The following ATRNL1 variants were observed in gnomAD, a reference collection of about 807,000 sequenced individuals.
The protein encoded by ATRNL1 is attractin like 1, also known as attractin-like protein 1.
Under a neutral mutation model 182.7 loss-of-function variants are expected in ATRNL1, and 95 were observed. The ratio of observed to expected loss-of-function variants is 0.52; its 90% CI spans 0.44 to 0.62. ATRNL1 has a LOEUF of 0.62. Ranked by LOEUF, ATRNL1 falls within the 20% of genes least tolerant of loss-of-function variation. The pLI is 0.00. For synonymous variants in ATRNL1, 576 were observed against 568.3 expected (o/e 1.01, Z -0.19); for missense variants, 1,471 against 1,679.5 (o/e 0.88, Z 2.17).
At chr10:115,207,259 A>G (rs375175354) in intron 8 of ATRNL1, among the ~76,000 whole-genome samples, 25 of 151,992 alleles carry the variant, frequency 1.6e-4, no homozygotes, top group African/African-American at 5.5e-4. Context: ...TTGAGGAATC[A>G]CCACACTGTC....
At chr10:115,243,623 C>T (rs1182327277) in intron 10 of ATRNL1, among the ~76,000 whole-genome samples, 2 of 151,934 alleles carry the variant, frequency 1.3e-5, no homozygotes, top group East Asian at 3.8e-4. Flanking sequence ...ATTAGTTGGG[C>T]CCAGTGTATG....
chr10:115,844,803 C>T (rs1286563515), intron 27 of ATRNL1, among the ~76,000 whole-genome samples: 3 of 152,002 alleles, frequency 2.0e-5, no homozygotes, highest in African/African-American at 7.2e-5. Context: ...CAAACCCAGG[C>T]CTTATCTCTT....
intron 24 of ATRNL1, among the ~76,000 whole-genome samples, chr10:115,476,078 G>C (rs2134592698): frequency 6.6e-6 from 1 of 151,288 alleles, no homozygotes; most frequent in Admixed American, 6.6e-5. Flanking sequence ...CCTGTATGCA[G>C]TGCTTTGACC....
chr10:115,204,321 A>G (rs1187328427), intron 8 of ATRNL1, among the ~76,000 whole-genome samples: 4 of 151,970 alleles, frequency 2.6e-5, no homozygotes, highest in East Asian at 1.9e-4. Context: ...GGCTTCTTGT[A>G]TTATGTTGAA....
In ATRNL1 at chr10:115,093,730, C is replaced by T; in HGVS notation, c.-21C>T. ...TCGGCGCCCGCGAGCGCAGTCTCGC[C>T]GGGCAGGGGCGCCGGGGAAGATGGA... On this transcript the variant is annotated 5_prime_UTR_variant, in exon 1 of 29. Coordinates refer to ENST00000355044, the MANE Select transcript of ATRNL1 (RefSeq NM_207303.4). This position sits in a 1 kb window ranked among gnomAD's most constrained non-coding sequence, Gnocchi z 6.1. 2.8e-6 allele frequency: 4 copies of T among 1,412,114 alleles called. No homozygotes were observed. Among genetic ancestry groups the T allele is most frequent in the Non-Finnish European group, 3.7e-6 (4 of 1,090,498 alleles). The allele number at this position is 1,412,114 out of a possible 1,614,324, so 87.5% of individuals were successfully genotyped here. A position where few individuals can be genotyped will look rare whatever the true frequency, so the allele number is the denominator to read the frequency against.
intron 27 of ATRNL1, among the ~76,000 whole-genome samples, chr10:115,750,158 C>A (rs1206943965): frequency 6.6e-6 from 1 of 151,832 alleles, no homozygotes; most frequent in Non-Finnish European, 1.5e-5. Flanking sequence ...TCCTCATGGG[C>A]AAGGACACGT....
intron 9 of ATRNL1, among the ~76,000 whole-genome samples, chr10:115,233,933 T>A (rs555399905): frequency 6.6e-6 from 1 of 151,614 alleles, no homozygotes; most frequent in African/African-American, 2.4e-5. Flanking sequence ...GATTTGCACA[T>A]GTTTTTTTTG....
At chr10:115,249,479 A>G (rs1011837047) in intron 10 of ATRNL1, among the ~76,000 whole-genome samples, 6 of 152,104 alleles carry the variant, frequency 3.9e-5, no homozygotes, top group African/African-American at 1.4e-4. Flanking sequence ...GTCTGCCTTC[A>G]GCTTGAGTTT....
chr10:115,488,890 C>T (rs11592945), intron 24 of ATRNL1, among the ~76,000 whole-genome samples: 25,167 of 152,132 alleles, frequency 0.17, 2,590 homozygotes, highest in South Asian at 0.23. Context: ...CTACACACTG[C>T]TTTAAATGTG....
At chr10:115,607,099 TAATC>T (rs1387863130) in intron 26 of ATRNL1, among the ~76,000 whole-genome samples, 2 of 152,022 alleles carry the variant, frequency 1.3e-5, no homozygotes, top group Non-Finnish European at 2.9e-5. Flanking sequence ...ATTTGTTTAT[TAATC>T]AATATATTTT....
intron 20 of ATRNL1, among the ~76,000 whole-genome samples, chr10:115,418,841 G>A (rs1488289136): frequency 1.3e-5 from 2 of 152,098 alleles, no homozygotes; most frequent in Non-Finnish European, 2.9e-5. Context: ...AATACTATAG[G>A]CAGAAAAGGT....
chr10:115,621,930 A>T (rs1316502631), intron 26 of ATRNL1, among the ~76,000 whole-genome samples: 4 of 152,224 alleles, frequency 2.6e-5, no homozygotes, highest in African/African-American at 9.6e-5. Flanking sequence ...TCTCAAATAA[A>T]GTCAGCAGGA....
intron 19 of ATRNL1, among the ~76,000 whole-genome samples, chr10:115,362,710 C>T (rs1250241504): frequency 2.6e-5 from 4 of 152,018 alleles, no homozygotes; most frequent in Admixed American, 1.3e-4. Context: ...GTGATATTCC[C>T]CTTCCTGTGT....
intron 14 of ATRNL1, among the ~76,000 whole-genome samples, chr10:115,284,352 AT>A (rs1319522680): frequency 6.6e-6 from 1 of 152,178 alleles, no homozygotes; most frequent in Non-Finnish European, 1.5e-5. Context: ...TTCTTCCTTG[AT>A]TCAGTAAGGT....
intron 5 of ATRNL1, among the ~76,000 whole-genome samples, chr10:115,133,095 A>T (rs1398265282): frequency 6.6e-6 from 1 of 152,236 alleles, no homozygotes; most frequent in East Asian, 1.9e-4. Flanking sequence ...ATTTATCTTG[A>T]ATTATTTTTT....
intron 26 of ATRNL1, among the ~76,000 whole-genome samples, chr10:115,725,893 T>C (rs1947581327): frequency 6.6e-6 from 1 of 152,194 alleles, no homozygotes; most frequent in South Asian, 2.1e-4. Flanking sequence ...AAGTGAATAA[T>C]TTGATAATTC....
rs564453925 is a variant in ATRNL1 at position 115,743,646 on chromosome 10, T to C, written c.3903+16291T>C. Reference sequence around the variant, plus strand: ...GATGTTTAAGATCTTAAAAAATATTTGAGTTACAAAGTAATTAGGACTGCC... The same window carrying C: ...GATGTTTAAGATCTTAAAAAATATTCGAGTTACAAAGTAATTAGGACTGCC... On this transcript the variant is annotated intron_variant, in intron 27 of 28. Coordinates refer to ENST00000355044, the MANE Select transcript of ATRNL1 (RefSeq NM_207303.4). Among the ~76,000 whole-genome samples the C allele has an allele frequency of 2.0e-5, 3 of 152,264 alleles. No homozygotes were observed. In the East Asian group the frequency reaches 5.8e-4, roughly 29 times the overall value.
At chr10:115,455,372 A>G (rs1847470753) in intron 21 of ATRNL1, among the ~76,000 whole-genome samples, 1 of 152,168 alleles carries the variant, frequency 6.6e-6, no homozygotes, top group Non-Finnish European at 1.5e-5. Context: ...CCTGACAGAA[A>G]CAAGCAATGA....
At chr10:115,888,030 T>C (rs1258544174) in intron 28 of ATRNL1, among the ~76,000 whole-genome samples, 1 of 152,170 alleles carries the variant, frequency 6.6e-6, no homozygotes, top group Non-Finnish European at 1.5e-5. Context: ...CCAAAGGACC[T>C]TCCATTGCTC....
Sources: gnomAD v4.1 joint callset for allele counts (sites outside exome capture counted in the v4.1 genomes callset) on GRCh38, gnomAD v4.1.1 for gene constraint, Gnocchi (gnomAD v3.1) non-coding constraint, MANE v1.5 for transcripts, NCBI Gene and HGNC (gene_info 2026-07-23, HGNC 2026-07-21) for gene names.